The following TMEM87A variants were observed in gnomAD, a reference collection of about 807,000 sequenced individuals.
TMEM87A encodes the protein transmembrane protein 87A.
TMEM87A carries 50 observed loss-of-function variants against 90.0 expected under a neutral mutation model. The observed-to-expected ratio is 0.56, with a 90% CI of 0.44 to 0.70. TMEM87A has a LOEUF of 0.70. Among genes scored for constraint, TMEM87A ranks in the 30% least tolerant of loss-of-function variants. TMEM87A has a pLI of 0.00. For synonymous variants in TMEM87A, 226 were observed against 226.7 expected (o/e 1.00, Z 0.03); for missense variants, 577 against 660.5 (o/e 0.87, Z 1.39).
chr15:42,255,189 A>T (rs1374918866), intron 6 of TMEM87A, among the ~76,000 whole-genome samples: 3 of 151,930 alleles, frequency 2.0e-5, no homozygotes, highest in African/African-American at 7.3e-5. Flanking sequence ...GCTGGAATGC[A>T]ATGGCACGAT....
intron 6 of TMEM87A, among the ~76,000 whole-genome samples, chr15:42,259,608 C>T (rs2051251367): frequency 6.6e-6 from 1 of 152,082 alleles, no homozygotes; most frequent in African/African-American, 2.4e-5. Context: ...TATTAAGAGG[C>T]TGATTGGAAA....
intron 12 of TMEM87A, among the ~76,000 whole-genome samples, chr15:42,229,257 G>C (rs2050647560): frequency 6.6e-6 from 1 of 151,934 alleles, no homozygotes; most frequent in Non-Finnish European, 1.5e-5. Flanking sequence ...TCCTGCCTTG[G>C]CCTCCCAAAG....
chr15:42,231,833 T>C, intron 11 of TMEM87A: 41 of 1,245,746 alleles, frequency 3.3e-5, no homozygotes, highest in Non-Finnish European at 4.2e-5. Context: ...CAGGCATTAC[T>C]GAAAGGATAT....
At chr15:42,217,622 A>T (rs1202635876) in intron 19 of TMEM87A, among the ~76,000 whole-genome samples, 181 bp downstream of exon 19, 1 of 152,240 alleles carries the variant, frequency 6.6e-6, no homozygotes, top group Admixed American at 6.5e-5. Flanking sequence ...ATGCAAAGAA[A>T]GGAAGATTCT....
chr15:42,270,186 A>G (rs950456331), intron 2 of TMEM87A, among the ~76,000 whole-genome samples: 11 of 152,026 alleles, frequency 7.2e-5, no homozygotes, highest in African/African-American at 2.7e-4. Flanking sequence ...CCTGGCCAAT[A>G]TGGTGAAACC....
intron 6 of TMEM87A, among the ~76,000 whole-genome samples, chr15:42,251,806 T>G (rs1409126353): frequency 6.6e-6 from 1 of 152,234 alleles, no homozygotes; most frequent in Non-Finnish European, 1.5e-5. Flanking sequence ...CGTTTTAGTC[T>G]TCAGAAGTTT....
chr15:42,229,425 A>C (rs1566926571), intron 12 of TMEM87A, among the ~76,000 whole-genome samples: 2 of 150,684 alleles, frequency 1.3e-5, no homozygotes, highest in Non-Finnish European at 3.0e-5. Flanking sequence ...TAGAGAAACA[A>C]AAAAAAAAGA....
intron 15 of TMEM87A, among the ~76,000 whole-genome samples, chr15:42,225,303 G>GT (rs2050570380): frequency 6.6e-6 from 1 of 151,576 alleles, no homozygotes; most frequent in Admixed American, 6.6e-5. Context: ...ATGCAAATGG[G>GT]GGGGGGGGGA....
intron 6 of TMEM87A, among the ~76,000 whole-genome samples, chr15:42,257,501 C>G (rs1231414540): frequency 6.6e-6 from 1 of 152,136 alleles, no homozygotes; most frequent in Non-Finnish European, 1.5e-5. Context: ...CCAAATAAAC[C>G]TCTTTTCTTT....
intron 6 of TMEM87A, among the ~76,000 whole-genome samples, chr15:42,250,767 G>C (rs957406137): frequency 1.3e-5 from 2 of 152,056 alleles, no homozygotes; most frequent in South Asian, 2.1e-4. Flanking sequence ...TGTATTTCCT[G>C]AATTTGAATG....
At chr15:42,218,028 T>C (rs2050411521) in intron 18 of TMEM87A, 195 bp from the exon 19 acceptor site, 1 of 643,714 alleles carries the variant, frequency 1.6e-6, no homozygotes, top group African/African-American at 1.8e-5. Context: ...AAAAAACGTA[T>C]TTTGCAATGC....
Position 42,228,710 on chromosome 15 carries a change from A to G in TMEM87A, c.1240+2T>C, listed in dbSNP as rs201356374. 6.2e-7 allele frequency: 1 copy of G among 1,612,404 alleles called. No homozygotes were observed. Among genetic ancestry groups the G allele is most frequent in the African/African-American group, 1.3e-5 (1 of 75,014 alleles). Reference sequence around the variant, plus strand: ...ACTCCAAGAAGAAAGTCCCAGACTTACCTGCCACTGCCAAAATAAGCGTGT... The same window carrying G: ...ACTCCAAGAAGAAAGTCCCAGACTTGCCTGCCACTGCCAAAATAAGCGTGT... On this transcript the variant is annotated splice_donor_variant, in intron 13 of 19. Coordinates refer to ENST00000389834, the MANE Select transcript of TMEM87A (RefSeq NM_015497.5). LOFTEE classifies it high-confidence loss of function.
chr15:42,248,555 C>A (rs1218546572), intron 6 of TMEM87A, among the ~76,000 whole-genome samples: 1 of 152,066 alleles, frequency 6.6e-6, no homozygotes, highest in Non-Finnish European at 1.5e-5. Context: ...TGGTTTTTGT[C>A]TTTGGTTCTG....
rs2050428554 is a variant in TMEM87A, at chr15:42,219,071, T to C, written c.1539+510A>G. On this transcript the variant is annotated intron_variant, in intron 17 of 19. Coordinates refer to ENST00000389834, the MANE Select transcript of TMEM87A (RefSeq NM_015497.5). ...CTTTTTTCCATGTCCTTGCCAACACTTGTTATTTCTTCATTTTGATAAATG... is the reference window on the plus strand; with the variant it reads ...CTTTTTTCCATGTCCTTGCCAACACCTGTTATTTCTTCATTTTGATAAATG... 3.9e-5 allele frequency: 6 copies of C among 154,916 alleles called. No homozygotes were observed. In the Admixed American group the frequency reaches 3.9e-4, roughly 10 times the overall value. The allele number at this position is 154,916 out of a possible 1,614,324, so 9.6% of individuals were successfully genotyped here. A position where few individuals can be genotyped will look rare whatever the true frequency, so the allele number is the denominator to read the frequency against.
At chr15:42,241,331 A>T (rs933727044) in intron 7 of TMEM87A, among the ~76,000 whole-genome samples, 1 of 152,228 alleles carries the variant, frequency 6.6e-6, no homozygotes, top group African/African-American at 2.4e-5. Flanking sequence ...ATAAGTAGAG[A>T]ACTATCCCTC....
chr15:42,249,948 T>C (rs1394185958), intron 6 of TMEM87A, among the ~76,000 whole-genome samples: 2 of 152,240 alleles, frequency 1.3e-5, no homozygotes, highest in African/African-American at 2.4e-5. Context: ...TGAATCTGGG[T>C]GCTCCTGTAT....
intron 15 of TMEM87A, among the ~76,000 whole-genome samples, chr15:42,221,692 A>G (rs753478625): frequency 4.6e-5 from 7 of 152,148 alleles, no homozygotes; most frequent in Non-Finnish European, 7.4e-5. Context: ...CAACATAGCA[A>G]GACCCCATCT....
intron 3 of TMEM87A, 21 bp from the exon 4 acceptor site, chr15:42,264,224 G>A (rs762966273): frequency 1.3e-6 from 2 of 1,559,326 alleles, no homozygotes; most frequent in African/African-American, 1.4e-5. Flanking sequence ...AGATAATACA[G>A]AGTAGTTAAC....
intron 12 of TMEM87A, among the ~76,000 whole-genome samples, chr15:42,229,782 G>C (rs954631028): frequency 2.0e-5 from 3 of 152,158 alleles, no homozygotes; most frequent in Admixed American, 1.3e-4. Flanking sequence ...AGAAAAACAG[G>C]AGGGGAATTG....
Sources: allele counts gnomAD v4.1 joint callset (sites outside exome capture counted in the v4.1 genomes callset), GRCh38; gene constraint gnomAD v4.1.1; transcripts MANE v1.5; gene names NCBI Gene and HGNC (gene_info 2026-07-23, HGNC 2026-07-21).